The following DMXL2 variants were observed in gnomAD, a reference collection of about 807,000 sequenced individuals.
The protein encoded by DMXL2 is Dmx like 2.
In DMXL2, 103 loss-of-function variants were observed where a neutral mutation model predicts 331.1. The ratio of observed to expected loss-of-function variants is 0.31; its 90% CI spans 0.27 to 0.37. DMXL2 has a LOEUF of 0.37. Among genes scored for constraint, DMXL2 ranks in the 10% least tolerant of loss-of-function variants. The pLI, the probability that DMXL2 is intolerant of heterozygous loss-of-function variation, is 1.00. For missense variants in DMXL2, 3,171 were observed against 3,642.9 expected (o/e 0.87, Z 3.33); for synonymous variants, 1,281 against 1,252.1 (o/e 1.02, Z -0.49).
At chr15:51,608,682 C>T (rs1171204049) in intron 1 of DMXL2, among the ~76,000 whole-genome samples, 1 of 152,054 alleles carries the variant, frequency 6.6e-6, no homozygotes, top group East Asian at 1.9e-4. Context: ...ATAATCTGTA[C>T]ACCAAACCAA....
intron 1 of DMXL2, among the ~76,000 whole-genome samples, chr15:51,598,404 T>A (rs1395455177): frequency 6.6e-6 from 1 of 152,218 alleles, no homozygotes; most frequent in Non-Finnish European, 1.5e-5. Flanking sequence ...ATGTCTTATA[T>A]GACCACAGTA....
Position 51,536,508 on chromosome 15 carries a change from A to T in DMXL2, c.1972T>A (p.Cys658Ser). 1 of 1,613,982 alleles carries T rather than the reference A, an allele frequency of 6.2e-7. No individual in the cohort carries two copies. The highest frequency in any genetic ancestry group is 8.5e-7 in the Non-Finnish European group (1 of 1,179,918). The change falls in exon 12 of 44, where the codon TGT (cysteine) becomes AGT (serine). Residue 658 changes from cysteine to serine, a missense_variant. By Grantham distance (112) the Cys-to-Ser change is moderately radical. This residue lies in a region of DMXL2 where 1,674 missense variants were observed against 1,780.2 expected (regional missense o/e 0.94). Transcript: ENST00000560891. ...GHRFHLNDLA[C>S]HSVLPLLLTS... ...AATAACAGTGGTAAAACTGAATGAC[A>T]TGCCAGGTCATTGAGGTGAAATCGA...
intron 1 of DMXL2, among the ~76,000 whole-genome samples, chr15:51,583,103 CTTCTTTTTTTTTTTT>C (rs1203741458): frequency 3.4e-4 from 30 of 89,530 alleles, no homozygotes; most frequent in East Asian, 1.4e-3. Flanking sequence ...TTACTTCATT[CTTCTTTTTTTTTTTT>C]TTCTTTTTTT....
intron 13 of DMXL2, among the ~76,000 whole-genome samples, chr15:51,525,832 C>T (rs766887046): frequency 9.2e-5 from 14 of 152,008 alleles, no homozygotes; most frequent in Non-Finnish European, 2.1e-4. Context: ...CCCTACCTCC[C>T]AGATGGTACT....
At chr15:51,564,832 G>GGCA (rs1488282197) in intron 4 of DMXL2, among the ~76,000 whole-genome samples, 1 of 151,864 alleles carries the variant, frequency 6.6e-6, no homozygotes, top group Non-Finnish European at 1.5e-5. Flanking sequence ...AAGAGTAAAG[G>GGCA]GCAGTACACA....
Position 51,495,037 on chromosome 15 carries a change from C to T in DMXL2, c.4770G>A (p.Gln1590=). Residue 1590 remains glutamine (Q), a synonymous_variant, in exon 19 of 44, where the codon CAG becomes CAA. Transcript: ENST00000560891. ...LTSLPPLYRV[Q]LLHQGVSTCH... The stretch of plus-strand genomic sequence containing the variant: ...TGAGTGAATTACCTTGATGAAGTAG[C>T]TGCACTCGGTATAAAGGAGGCAGCG... 1 of 1,612,046 alleles carries T rather than the reference C, an allele frequency of 6.2e-7. No individual in the cohort carries two copies.
intron 13 of DMXL2, among the ~76,000 whole-genome samples, chr15:51,520,171 T>C (rs941215981): frequency 6.6e-6 from 1 of 152,242 alleles, no homozygotes; most frequent in African/African-American, 2.4e-5. Flanking sequence ...TAGTTGCTGT[T>C]ATCTCTACCT....
chr15:51,573,636 T>C (rs551160357), intron 2 of DMXL2, among the ~76,000 whole-genome samples: 105 of 150,922 alleles, frequency 7.0e-4, no homozygotes, highest in African/African-American at 2.2e-3. Flanking sequence ...TCAGTGGGAG[T>C]TGAACAACGA....
intron 13 of DMXL2, among the ~76,000 whole-genome samples, chr15:51,521,734 C>T (rs1434381589): frequency 6.6e-6 from 1 of 152,086 alleles, no homozygotes; most frequent in Non-Finnish European, 1.5e-5. Context: ...ACTATATGTA[C>T]ATATTTATAT....
intron 1 of DMXL2, among the ~76,000 whole-genome samples, chr15:51,577,892 A>G (rs896506321): frequency 3.3e-5 from 5 of 152,206 alleles, no homozygotes; most frequent in Admixed American, 6.5e-5. Context: ...CTCTTAGGAT[A>G]CTTGTGAAAA....
chr15:51,574,989 A>C (rs2050924223), intron 2 of DMXL2, among the ~76,000 whole-genome samples: 1 of 151,790 alleles, frequency 6.6e-6, no homozygotes. Flanking sequence ...GAAATCTGAC[A>C]CTCCCCATGT....
At chr15:51,509,628 C>G (rs929591592) in intron 15 of DMXL2, among the ~76,000 whole-genome samples, 1 of 152,164 alleles carries the variant, frequency 6.6e-6, no homozygotes, top group Non-Finnish European at 1.5e-5. Context: ...ACCAGAGGTA[C>G]AAAGAGGAGC....
At chr15:51,501,400 T>A (rs1250741220) in intron 17 of DMXL2, among the ~76,000 whole-genome samples, 1 of 152,234 alleles carries the variant, frequency 6.6e-6, no homozygotes, top group Non-Finnish European at 1.5e-5. Flanking sequence ...AAAGTCAGTA[T>A]CATTCCAGAC....
At chr15:51,487,682 T>C (rs1418475015) in intron 22 of DMXL2, among the ~76,000 whole-genome samples, 1 of 152,202 alleles carries the variant, frequency 6.6e-6, no homozygotes, top group African/African-American at 2.4e-5. Flanking sequence ...GGTCTTGAAC[T>C]CCTGACCTCA....
chr15:51,532,351 T>G (rs1338422179), intron 13 of DMXL2, among the ~76,000 whole-genome samples: 2 of 151,862 alleles, frequency 1.3e-5, no homozygotes, highest in East Asian at 1.9e-4. Context: ...CCCATAGAGA[T>G]AGAGTAGAAG....
chr15:51,611,235 GGGAGA>G (rs2053949289), intron 1 of DMXL2, among the ~76,000 whole-genome samples: 1 of 152,128 alleles, frequency 6.6e-6, no homozygotes, highest in Non-Finnish European at 1.5e-5. Context: ...TGAAGAAAAA[GGGAGA>G]GGCACAAATA....
At chr15:51,572,128 A>C (rs948197682) in intron 2 of DMXL2, among the ~76,000 whole-genome samples, 4 of 152,074 alleles carry the variant, frequency 2.6e-5, no homozygotes, top group African/African-American at 7.2e-5. Context: ...ACAGAAACAC[A>C]AACTACCATC....
intron 42 of DMXL2, chr15:51,450,739 T>C (rs1192788250): frequency 5.8e-6 from 1 of 172,856 alleles, no homozygotes; most frequent in Non-Finnish European, 1.3e-5. Context: ...AACGACACTA[T>C]GAGAAAATGT....
chr15:51,456,285 AATT>A, intron 38 of DMXL2, 21 bp downstream of exon 38: 1 of 1,596,200 alleles, frequency 6.3e-7, no homozygotes, highest in East Asian at 2.2e-5. Flanking sequence ...GGACACTTAC[AATT>A]ATTAGGTCAT....
Sources: allele counts gnomAD v4.1 joint callset (sites outside exome capture counted in the v4.1 genomes callset), GRCh38; gene constraint gnomAD v4.1.1; regional missense constraint gnomAD v4.1.1; transcripts MANE v1.5; gene names NCBI Gene and HGNC (gene_info 2026-07-23, HGNC 2026-07-21).